ENOX1: variants seen among roughly 807,000 people sequenced by gnomAD.
ENOX1 encodes candidate growth-related and time keeping constitutive hydroquinone (NADH) oxidase.
Under a neutral mutation model 82.5 loss-of-function variants are expected in ENOX1, and 42 were observed. That is an observed-to-expected ratio of 0.51 (90% CI 0.40 to 0.66). The LOEUF (loss-of-function observed/expected upper bound fraction) is 0.66. ENOX1 is among the 30% of genes least tolerant of loss of function. The pLI, the probability that ENOX1 is intolerant of heterozygous loss-of-function variation, is 0.00. For synonymous variants in ENOX1, 271 were observed against 282.2 expected (o/e 0.96, Z 0.40); for missense variants, 608 against 811.6 (o/e 0.75, Z 3.05).
At chr13:43,673,948 C>G (rs1458215923) in intron 1 of ENOX1, among the ~76,000 whole-genome samples, 6 of 152,160 alleles carry the variant, frequency 3.9e-5, no homozygotes, top group Admixed American at 3.9e-4. Context: ...ACCAAGGCTA[C>G]CAAACTGCCA....
chr13:43,776,341 G>A (rs776806924), intron 1 of ENOX1, among the ~76,000 whole-genome samples: 6 of 152,100 alleles, frequency 3.9e-5, no homozygotes, highest in African/African-American at 1.5e-4. Flanking sequence ...AACCACAGTC[G>A]AGGAGGGAAT....
At chr13:43,479,759 T>G (rs187604727) in intron 3 of ENOX1, among the ~76,000 whole-genome samples, 1 of 152,188 alleles carries the variant, frequency 6.6e-6, no homozygotes, top group East Asian at 1.9e-4. Context: ...TTCTGCCCAT[T>G]TGGGCACTGT....
chr13:43,752,844 C>T (rs1950392552), intron 1 of ENOX1, among the ~76,000 whole-genome samples: 1 of 151,762 alleles, frequency 6.6e-6, no homozygotes, highest in African/African-American at 2.4e-5. Context: ...TTGGCTATTC[C>T]AGGTTCATTG....
At chr13:43,340,338 T>A (rs938314754) in intron 9 of ENOX1, among the ~76,000 whole-genome samples, 3 of 152,210 alleles carry the variant, frequency 2.0e-5, no homozygotes, top group African/African-American at 7.2e-5. Context: ...TCCTGAAAGA[T>A]CTTGGCTGTC....
chr13:43,223,129 C>G (rs2041871692), intron 16 of ENOX1, among the ~76,000 whole-genome samples: 1 of 152,178 alleles, frequency 6.6e-6, no homozygotes, highest in Admixed American at 6.5e-5. Flanking sequence ...GAAAATTTAG[C>G]ATGATTTAGC....
At chr13:43,470,371 T>C (rs2057998202) in intron 3 of ENOX1, among the ~76,000 whole-genome samples, 13 of 86,386 alleles carry the variant, frequency 1.5e-4, no homozygotes, top group Non-Finnish European at 2.9e-4. Context: ...TATACGTATA[T>C]ATATACATAT....
chr13:43,274,367 T>C (rs1289796408), intron 12 of ENOX1, among the ~76,000 whole-genome samples: 3 of 152,252 alleles, frequency 2.0e-5, no homozygotes, highest in Non-Finnish European at 4.4e-5. Flanking sequence ...GTTTTCAAGG[T>C]ATAAACTCAT....
Position 43,601,130 on chromosome 13 carries a change from G to A in ENOX1, c.-219+66349C>T, listed in dbSNP as rs79981628. Among the ~76,000 whole-genome samples, 8 of 152,160 alleles carry A rather than the reference G, an allele frequency of 5.3e-5. No individual in the cohort carries two copies. The East Asian group carries it at 7.8e-4, about 15-fold the overall frequency. The stretch of plus-strand genomic sequence containing the variant: ...TAACTCTTCAATGACAAGACTGGAC[G>A]AATACCCACAAGCATTAAGACCATC... On this transcript the variant is annotated intron_variant, in intron 2 of 16. Coordinates refer to ENST00000690772, the MANE Select transcript of ENOX1 (RefSeq NM_001347969.2).
chr13:43,517,761 G>A (rs559119614), intron 2 of ENOX1, among the ~76,000 whole-genome samples: 47 of 152,144 alleles, frequency 3.1e-4, no homozygotes, highest in African/African-American at 1.1e-3. Flanking sequence ...TCAGTGGTGC[G>A]GGCCTTTGGG....
chr13:43,775,489 G>A (rs1951859581), intron 1 of ENOX1, among the ~76,000 whole-genome samples: 1 of 152,084 alleles, frequency 6.6e-6, no homozygotes, highest in Admixed American at 6.5e-5. Context: ...AAAGCTTTGA[G>A]TTTTCCCAGG....
intron 1 of ENOX1, among the ~76,000 whole-genome samples, chr13:43,757,181 A>C (rs1040460665): frequency 1.3e-5 from 2 of 152,152 alleles, no homozygotes; most frequent in Non-Finnish European, 2.9e-5. Flanking sequence ...TGGTGGATTA[A>C]TTGCAAAATG....
intron 2 of ENOX1, among the ~76,000 whole-genome samples, chr13:43,508,053 C>T (rs1437209864): frequency 2.0e-5 from 3 of 151,800 alleles, no homozygotes; most frequent in African/African-American, 4.8e-5. Flanking sequence ...AACTGGAAGG[C>T]ATTAAAGGGA....
At chr13:43,311,529 T>C (rs2047203086) in intron 11 of ENOX1, among the ~76,000 whole-genome samples, 1 of 152,142 alleles carries the variant, frequency 6.6e-6, no homozygotes, top group Non-Finnish European at 1.5e-5. Flanking sequence ...CTCTCACACT[T>C]CTTTATGTTA....
intron 12 of ENOX1, among the ~76,000 whole-genome samples, chr13:43,278,980 A>T (rs559200851): frequency 2.1e-4 from 32 of 152,320 alleles, no homozygotes; most frequent in South Asian, 4.1e-4. Context: ...GGAAATATTT[A>T]AAAAAGGATC....
chr13:43,537,617 T>C (rs574869457), intron 2 of ENOX1, among the ~76,000 whole-genome samples: 36 of 152,330 alleles, frequency 2.4e-4, no homozygotes, highest in South Asian at 8.3e-4. Flanking sequence ...TTCTGTGAAG[T>C]AAGACAACTA....
At chr13:43,748,155 C>T (rs554706806) in intron 1 of ENOX1, among the ~76,000 whole-genome samples, 1 of 152,246 alleles carries the variant, frequency 6.6e-6, no homozygotes, top group East Asian at 1.9e-4. Flanking sequence ...AACTTGATAA[C>T]TATTTCAATA....
intron 2 of ENOX1, among the ~76,000 whole-genome samples, chr13:43,516,572 C>G (rs1233038200): frequency 2.0e-5 from 3 of 152,134 alleles, no homozygotes; most frequent in Admixed American, 2.0e-4. Context: ...CCATCAAAGC[C>G]ATCTGGGAAA....
intron 3 of ENOX1, among the ~76,000 whole-genome samples, chr13:43,469,870 G>C (rs1297899475): frequency 6.6e-6 from 1 of 151,830 alleles, no homozygotes; most frequent in African/African-American, 2.4e-5. Flanking sequence ...CTGACTTGAA[G>C]ACTTACTATA....
intron 3 of ENOX1, among the ~76,000 whole-genome samples, chr13:43,419,923 A>T (rs1457071049): frequency 2.0e-5 from 3 of 152,172 alleles, no homozygotes; most frequent in African/African-American, 7.2e-5. Flanking sequence ...GTGAGCCAAG[A>T]CCAAGCCACT....
Sources: allele counts gnomAD v4.1 joint callset (sites outside exome capture counted in the v4.1 genomes callset), GRCh38; gene constraint gnomAD v4.1.1; transcripts MANE v1.5; gene names NCBI Gene and HGNC (gene_info 2026-07-23, HGNC 2026-07-21).